The following ENPP6 variants were observed in gnomAD, a reference collection of about 807,000 sequenced individuals.
The protein encoded by ENPP6 is ectonucleotide pyrophosphatase/phosphodiesterase 6, also known as glycerophosphocholine cholinephosphodiesterase ENPP6.
Under a neutral mutation model 42.0 loss-of-function variants are expected in ENPP6, and 32 were observed. That is an observed-to-expected ratio of 0.76 (90% CI 0.58 to 1.02). ENPP6 has a LOEUF of 1.02. ENPP6 is among the 50% of genes least tolerant of loss of function. The pLI is 0.00. For missense variants in ENPP6, 552 were observed against 566.8 expected (o/e 0.97, Z 0.27); for synonymous variants, 213 against 216.0 (o/e 0.99, Z 0.12).
At chr4:184,180,015 C>G (rs1732527193) in intron 1 of ENPP6, among the ~76,000 whole-genome samples, 1 of 151,958 alleles carries the variant, frequency 6.6e-6, no homozygotes, top group South Asian at 2.1e-4. Context: ...AAGAAATAAC[C>G]AAGATCAGAG....
intron 2 of ENPP6, among the ~76,000 whole-genome samples, chr4:184,128,783 C>T (rs989614769): frequency 6.6e-6 from 1 of 152,112 alleles, no homozygotes; most frequent in African/African-American, 2.4e-5. Flanking sequence ...ATAGAATGTG[C>T]ATTATTTTCG....
Position 184,162,576 on chromosome 4 carries a change from A to AAGGAAGG in ENPP6, c.242-8844_242-8843insCCTTCCT, listed in dbSNP as rs1553998051. Among the ~76,000 whole-genome samples, 345 of 145,420 alleles carry AAGGAAGG rather than the reference A, an allele frequency of 2.4e-3. 1 individual carries two copies. Among genetic ancestry groups the AAGGAAGG allele is most frequent in the African/African-American group, 8.3e-3 (323 of 39,026 alleles). The stretch of plus-strand genomic sequence containing the variant: ...GGAAGGAAAGAAGGAAGGAAGGAAG[A>AAGGAAGG]AAGGAAGGAAGAGAGGGAGGGAGGG... On this transcript the variant is annotated intron_variant, in intron 1 of 7. Transcript: ENST00000296741.
intron 1 of ENPP6, among the ~76,000 whole-genome samples, chr4:184,178,441 A>C (rs964375798): frequency 6.6e-6 from 1 of 152,194 alleles, no homozygotes; most frequent in Non-Finnish European, 1.5e-5. Context: ...AAGCTGGAAA[A>C]CATATTTCAG....
intron 2 of ENPP6, among the ~76,000 whole-genome samples, chr4:184,151,666 G>C (rs2111076201): frequency 6.6e-6 from 1 of 152,278 alleles, no homozygotes; most frequent in Admixed American, 6.5e-5. Context: ...TTTGTTTCCG[G>C]GTGGTCCCTA....
At chr4:184,189,854 C>G (rs1266735559) in intron 1 of ENPP6, among the ~76,000 whole-genome samples, 3 of 152,102 alleles carry the variant, frequency 2.0e-5, no homozygotes, top group Non-Finnish European at 4.4e-5. Flanking sequence ...TGGAGAGGAG[C>G]GAGCCAGCCA....
chr4:184,172,995 C>G (rs1401034395), intron 1 of ENPP6, among the ~76,000 whole-genome samples: 1 of 152,162 alleles, frequency 6.6e-6, no homozygotes, highest in Admixed American at 6.5e-5. Flanking sequence ...ACCTCCGCCA[C>G]CAGGGTTCAA....
chr4:184,129,270 T>C (rs1736555337), intron 2 of ENPP6, among the ~76,000 whole-genome samples: 1 of 75,766 alleles, frequency 1.3e-5, no homozygotes, highest in South Asian at 4.5e-4. Context: ...ACTGACGTAG[T>C]ACACAAACAC....
chr4:184,155,039 G>A (rs1472210432), intron 1 of ENPP6, among the ~76,000 whole-genome samples: 1 of 152,122 alleles, frequency 6.6e-6, no homozygotes, highest in Non-Finnish European at 1.5e-5. Flanking sequence ...TCAACAGAGG[G>A]TCCTCTGTGT....
intron 2 of ENPP6, 107 bp from the exon 3 acceptor site, chr4:184,124,379 T>C (rs1489031713): frequency 5.1e-6 from 4 of 790,208 alleles, no homozygotes; most frequent in Admixed American, 2.7e-5. Context: ...AAAATAAAAA[T>C]GTTGAGTATT....
intron 2 of ENPP6, among the ~76,000 whole-genome samples, chr4:184,126,810 C>T (rs1055045289): frequency 2.0e-5 from 3 of 152,198 alleles, no homozygotes; most frequent in African/African-American, 4.8e-5. Flanking sequence ...AAAGCGCAGA[C>T]CCAGCTCAGC....
At chr4:184,194,707 G>A (rs576944458) in intron 1 of ENPP6, among the ~76,000 whole-genome samples, 15 of 152,320 alleles carry the variant, frequency 9.8e-5, no homozygotes, top group Non-Finnish European at 2.1e-4. Context: ...TAGGAGACAC[G>A]CCCTGCTTGG....
intron 2 of ENPP6, among the ~76,000 whole-genome samples, chr4:184,152,047 T>C (rs1737059939): frequency 6.6e-6 from 1 of 152,342 alleles, no homozygotes; most frequent in Admixed American, 6.5e-5. Flanking sequence ...TGAAGCTGTG[T>C]CTGCTGGGAG....
chr4:184,139,905 T>C lies in ENPP6; in HGVS notation c.421+13649A>G, dbSNP rs1266916884. On this transcript the variant is annotated intron_variant, in intron 2 of 7. Transcript: ENST00000296741. ...GGACGGCTGGGTCAAATGGTATTTC[T>C]AGTTCTAGATCCCTGAGGAATCGCC... Among the ~76,000 whole-genome samples the C allele has an allele frequency of 2.4e-5, 2 of 81,684 alleles. 1 individual carries two copies. Among genetic ancestry groups the C allele is most frequent in the Non-Finnish European group, 5.5e-5 (2 of 36,632 alleles). 53.6% of individuals were successfully genotyped at this position (81,684 alleles called of 152,430 possible).
chr4:184,208,874 C>G (rs569795887), intron 1 of ENPP6, among the ~76,000 whole-genome samples: 1 of 143,044 alleles, frequency 7.0e-6, no homozygotes, highest in African/African-American at 2.5e-5. Context: ...TCTCCCAGCA[C>G]GCAGCTGGAG....
chr4:184,195,591 T>C (rs1406307852), intron 1 of ENPP6, among the ~76,000 whole-genome samples: 1 of 152,128 alleles, frequency 6.6e-6, no homozygotes, highest in East Asian at 1.9e-4. Flanking sequence ...CTAACTCCCA[T>C]TCCCCGTCCC....
At position 184,131,197 on chromosome 4, in the gene ENPP6, CTTTCTTCT is replaced by C. The variant is rs1350682985; in HGVS notation, c.422-6933_422-6926del. Among the ~76,000 whole-genome samples, 161 of 47,978 alleles carry C rather than the reference CTTTCTTCT, an allele frequency of 3.4e-3. 6 individuals are homozygous for C. The highest frequency in any genetic ancestry group is 0.012 in the African/African-American group (142 of 12,278). The allele number at this position is 47,978 out of a possible 152,430, so 31.5% of individuals were successfully genotyped here. On this transcript the variant is annotated intron_variant, in intron 2 of 7. Transcript: ENST00000296741. ...TCTTTCTTTCTTTCTTTCTTTCTTT[CTTTCTTCT>C]TTCTTTCTTTCTTTTTCTTTCTTTC...
At chr4:184,108,110 T>C (rs1489923686) in intron 6 of ENPP6, among the ~76,000 whole-genome samples, 1 of 152,138 alleles carries the variant, frequency 6.6e-6, no homozygotes, top group East Asian at 1.9e-4. Flanking sequence ...AAACCAAATC[T>C]TCCATGTTTC....
chr4:184,128,387 G>A (rs1736539519), intron 2 of ENPP6, among the ~76,000 whole-genome samples: 1 of 152,110 alleles, frequency 6.6e-6, no homozygotes, highest in Middle Eastern at 3.4e-3. Flanking sequence ...CACCATGATG[G>A]CCAGGCTGGT....
In ENPP6 at chr4:184,187,522, G is replaced by A. The variant is rs572031026; in HGVS notation, c.241+30057C>T. Reference sequence around the variant, plus strand: ...AACATGCACCTGCCTCAGAGCTGTCGCTGTTCCCTGCCTGGAATGCTTTGT... The same window carrying A: ...AACATGCACCTGCCTCAGAGCTGTCACTGTTCCCTGCCTGGAATGCTTTGT... On this transcript the variant is annotated intron_variant, in intron 1 of 7. Coordinates refer to ENST00000296741, the MANE Select transcript of ENPP6 (RefSeq NM_153343.4). 1.1e-4 allele frequency among the ~76,000 whole-genome samples: 16 copies of A among 152,250 alleles called. No homozygotes were observed. In the South Asian group the frequency reaches 1.7e-3, roughly 16 times the overall value.
Sources: allele counts gnomAD v4.1 joint callset (sites outside exome capture counted in the v4.1 genomes callset), GRCh38; gene constraint gnomAD v4.1.1; transcripts MANE v1.5; gene names NCBI Gene and HGNC (gene_info 2026-07-23, HGNC 2026-07-21).